MYO16: variants seen among roughly 807,000 people sequenced by gnomAD.
MYO16 encodes the protein unconventional myosin-XVI.
In MYO16, 94 loss-of-function variants were observed where a neutral mutation model predicts 205.3. The ratio of observed to expected loss-of-function variants is 0.46; its 90% CI spans 0.39 to 0.54. The LOEUF (loss-of-function observed/expected upper bound fraction) is 0.54, where lower values mean the gene tolerates loss of function less well. Ranked by LOEUF, MYO16 falls within the 20% of genes least tolerant of loss-of-function variation. MYO16 has a pLI of 0.00. For synonymous variants in MYO16, 988 were observed against 954.0 expected (o/e 1.04, Z -0.66); for missense variants, 2,315 against 2,387.5 (o/e 0.97, Z 0.63).
At chr13:108,967,507 G>A (rs998318387) in intron 20 of MYO16, among the ~76,000 whole-genome samples, 2 of 152,146 alleles carry the variant, frequency 1.3e-5, no homozygotes, top group South Asian at 2.1e-4. Context: ...AGTAATGTGT[G>A]GCTGCCTACT....
intron 3 of MYO16, among the ~76,000 whole-genome samples, chr13:108,719,272 C>T (rs1884067535): frequency 6.6e-6 from 1 of 151,912 alleles, no homozygotes; most frequent in Admixed American, 6.6e-5. Flanking sequence ...CCTGGAGAAA[C>T]TAGAGTTTTG....
chr13:108,875,090 A>G (rs1879262515), intron 12 of MYO16, among the ~76,000 whole-genome samples: 1 of 152,164 alleles, frequency 6.6e-6, no homozygotes, highest in Non-Finnish European at 1.5e-5. Flanking sequence ...GAAGGAAGGA[A>G]CCTGTTATCT....
chr13:108,606,256 T>C (rs931107802), intron 1 of MYO16, among the ~76,000 whole-genome samples: 2 of 152,304 alleles, frequency 1.3e-5, no homozygotes, highest in South Asian at 2.1e-4. Flanking sequence ...AGGAATCAAA[T>C]GTTAATCACC....
the MYO16 span, among the ~76,000 whole-genome samples, chr13:108,589,704 G>GTCTC: frequency 3.0e-4 from 45 of 151,612 alleles, no homozygotes; most frequent in Admixed American, 2.0e-4. Context: ...CTGTCTGTCT[G>GTCTC]TCTCTCTCTC....
intron 16 of MYO16, among the ~76,000 whole-genome samples, chr13:108,915,387 T>A (rs1376730002): frequency 6.6e-6 from 1 of 152,056 alleles, no homozygotes; most frequent in Admixed American, 6.6e-5. Flanking sequence ...ACCAAGAAAT[T>A]AAAATAAAAA....
intron 9 of MYO16, among the ~76,000 whole-genome samples, chr13:108,832,382 T>A (rs551653736): frequency 6.6e-6 from 1 of 152,126 alleles, no homozygotes; most frequent in East Asian, 1.9e-4. Flanking sequence ...CCTCAGGTGA[T>A]CCACCCGCCT....
At chr13:108,592,376 C>T (rs1261418969), upstream of MYO16, among the ~76,000 whole-genome samples, 4 of 91,634 alleles carry the variant, frequency 4.4e-5, no homozygotes, top group Admixed American at 1.3e-4. Context: ...GGGGTGTAGG[C>T]GGCTGTGTGT....
chr13:109,117,482 GTA>G (rs982026845), intron 28 of MYO16, among the ~76,000 whole-genome samples: 70 of 146,900 alleles, frequency 4.8e-4, no homozygotes, highest in Middle Eastern at 3.7e-3. Flanking sequence ...GTATGTATAT[GTA>G]TATATATGTA....
At chr13:108,655,968 G>C (rs1045258295) in intron 1 of MYO16, among the ~76,000 whole-genome samples, 2 of 152,148 alleles carry the variant, frequency 1.3e-5, no homozygotes, top group Non-Finnish European at 2.9e-5. Context: ...AGGCATAAGG[G>C]ACTTGCCTTG....
At chr13:108,913,835 C>A (rs182109114) in intron 16 of MYO16, among the ~76,000 whole-genome samples, 286 of 152,292 alleles carry the variant, frequency 1.9e-3, no homozygotes, top group African/African-American at 6.5e-3. Flanking sequence ...TGGCCAATCC[C>A]AGCGGCCATA....
At chr13:109,049,434 G>T (rs993862224) in intron 24 of MYO16, among the ~76,000 whole-genome samples, 1 of 152,138 alleles carries the variant, frequency 6.6e-6, no homozygotes, top group African/African-American at 2.4e-5. Flanking sequence ...GCATCTCCCT[G>T]TGCCCATAGG....
intron 27 of MYO16, among the ~76,000 whole-genome samples, chr13:109,089,150 A>C (rs1188799778): frequency 1.3e-5 from 2 of 152,036 alleles, no homozygotes; most frequent in Non-Finnish European, 2.9e-5. Flanking sequence ...CATAGAATTT[A>C]AGAGAATAGC....
the MYO16 span, among the ~76,000 whole-genome samples, chr13:108,541,558 T>C: frequency 2.0e-5 from 3 of 152,054 alleles, no homozygotes; most frequent in African/African-American, 7.2e-5. Flanking sequence ...GGGTCCAGCA[T>C]TTCTTTTCAT....
chr13:108,755,665 G>A (rs1885400386), intron 4 of MYO16, among the ~76,000 whole-genome samples: 1 of 151,936 alleles, frequency 6.6e-6, no homozygotes, highest in Non-Finnish European at 1.5e-5. Flanking sequence ...TCAAAAAAAT[G>A]AAGTAATTTT....
intron 20 of MYO16, among the ~76,000 whole-genome samples, chr13:108,987,203 G>A (rs544241790): frequency 2.0e-5 from 3 of 152,332 alleles, no homozygotes; most frequent in Non-Finnish European, 2.9e-5. Context: ...ATACCATATA[G>A]AATAGAGAAG....
the MYO16 span, among the ~76,000 whole-genome samples, chr13:108,550,916 C>T: frequency 6.6e-6 from 1 of 152,116 alleles, no homozygotes; most frequent in Non-Finnish European, 1.5e-5. Flanking sequence ...AAAAATGCAC[C>T]TAACATTTTA....
intron 20 of MYO16, among the ~76,000 whole-genome samples, chr13:108,972,575 G>T (rs1385296840): frequency 6.7e-6 from 1 of 150,124 alleles, no homozygotes; most frequent in Non-Finnish European, 1.5e-5. Context: ...GAGATATTTT[G>T]TTCTTGGGAA....
chr13:108,837,580 T>C (rs114991699), intron 9 of MYO16, among the ~76,000 whole-genome samples: 2,055 of 152,322 alleles, frequency 0.013, 39 homozygotes, highest in African/African-American at 0.045. Context: ...AGTTTAACTC[T>C]TGCATTTTGC....
chr13:109,100,684 G>A (rs1888933671), intron 27 of MYO16, 101 bp from the exon 28 acceptor site: 4 of 868,948 alleles, frequency 4.6e-6, no homozygotes, highest in South Asian at 1.7e-5. Flanking sequence ...AGAAAGACGG[G>A]GAAACTTTTG....
Sources: allele counts gnomAD v4.1 joint callset (sites outside exome capture counted in the v4.1 genomes callset), GRCh38; gene constraint gnomAD v4.1.1; transcripts MANE v1.5; gene names NCBI Gene and HGNC (gene_info 2026-07-23, HGNC 2026-07-21).